The following ZFP3 variants were observed in gnomAD, a reference collection of about 807,000 sequenced individuals.
ZFP3 encodes the protein ZFP3 zinc finger protein.
ZFP3 carries 18 observed loss-of-function variants against 36.7 expected under a neutral mutation model. The observed-to-expected ratio is 0.49, with a 90% CI of 0.34 to 0.73. ZFP3 has a LOEUF of 0.73. Ranked by LOEUF, ZFP3 falls within the 30% of genes least tolerant of loss-of-function variation. The pLI is 0.01. For missense variants in ZFP3, 495 were observed against 599.0 expected (o/e 0.83, Z 1.81); for synonymous variants, 218 against 199.0 (o/e 1.10, Z -0.81).
At chr17:5,082,326 G>A (rs558866992) in intron 1 of ZFP3, among the ~76,000 whole-genome samples, 3 of 151,978 alleles carry the variant, frequency 2.0e-5, no homozygotes, top group Non-Finnish European at 2.9e-5. Context: ...CAGCCTGGGC[G>A]ACAGAGTGAG....
chr17:5,091,123 A>G (rs2072147493), intron 1 of ZFP3, among the ~76,000 whole-genome samples: 1 of 151,368 alleles, frequency 6.6e-6, no homozygotes, highest in Non-Finnish European at 1.5e-5. Flanking sequence ...TCCATTTCCT[A>G]CTTCTCTCTT....
At chr17:5,089,019 C>T (rs2072136105) in intron 1 of ZFP3, among the ~76,000 whole-genome samples, 1 of 152,156 alleles carries the variant, frequency 6.6e-6, no homozygotes, top group African/African-American at 2.4e-5. Context: ...AATATTAGTT[C>T]CAGATTGCTT....
Position 5,092,629 on chromosome 17 carries a change from G to A in ZFP3, c.1125G>A (p.Arg375=), listed in dbSNP as rs1347053505. 6.2e-7 allele frequency: 1 copy of A among 1,613,992 alleles called. No individual in the cohort carries two copies. Among genetic ancestry groups the A allele is most frequent in the East Asian group, 2.2e-5 (1 of 44,862 alleles). Residue 375 remains arginine (R), a synonymous_variant, in exon 2 of 2, where the codon AGG becomes AGA. Coordinates refer to ENST00000318833, the MANE Select transcript of ZFP3 (RefSeq NM_153018.3). The surrounding 1 kb of genome is among the most constrained non-coding windows in gnomAD (Gnocchi z 5.0). ...YVCKECGKAF[R]GNSELLRHER... is the part of the protein sequence containing the mutation. ...GTAAGGAATGTGGGAAGGCCTTCAG[G>A]GGGAACTCAGAACTTCTTAGACATG...
intron 1 of ZFP3, among the ~76,000 whole-genome samples, chr17:5,089,049 G>A (rs554240816): frequency 1.3e-5 from 2 of 152,284 alleles, no homozygotes; most frequent in Non-Finnish European, 2.9e-5. Flanking sequence ...ACAAAGGTCA[G>A]GCTTATTCTC....
chr17:5,091,396 C>A, intron 1 of ZFP3, 101 bp from the exon 2 acceptor site: 1 of 1,279,786 alleles, frequency 7.8e-7, no homozygotes, highest in Non-Finnish European at 1.1e-6. Context: ...AAGACTGTTT[C>A]TGAGTGCTAT....
At position 5,093,883 on chromosome 17, in the gene ZFP3, C is replaced by T. The variant is rs573710768; in HGVS notation, c.*870C>T. The T allele has an allele frequency of 2.4e-5, 4 of 167,270 alleles. No individual in the cohort carries two copies. Among genetic ancestry groups the T allele is most frequent in the South Asian group, 2.1e-4 (1 of 4,834 alleles). The allele number at this position is 167,270 out of a possible 1,614,324, so 10.4% of individuals were successfully genotyped here. ...GATAAACAATTGAGGTCACACTGCT[C>T]GGCATGGGCAGAAGCAGCTCTTCAG... On this transcript the variant is annotated 3_prime_UTR_variant, in exon 2 of 2. Transcript: ENST00000318833.
rs562157049 is a variant in ZFP3 at position 5,091,610 on chromosome 17, C to T, written c.106C>T (p.His36Tyr). The change falls in exon 2 of 2, where the codon CAT becomes TAT. Residue 36 changes from histidine to tyrosine, a missense_variant. Physicochemically the swap from His to Tyr is moderately conservative, Grantham distance 83. Around this residue, in one of 3 missense-constraint regions of ZFP3, gnomAD observed 229 missense variants for 233.8 expected, o/e 0.98. Coordinates refer to ENST00000318833, the MANE Select transcript of ZFP3 (RefSeq NM_153018.3). ...ATTTCCAAAAGTGGTTTACCAAGGT[C>T]ATGAGTTTGGAGCAGGATGTGAAGA... ...EKFPKVVYQG[H>Y]EFGAGCEEDM... The T allele has an allele frequency of 4.3e-6, 7 of 1,614,138 alleles. No individual in the cohort carries two copies. The East Asian group carries it at 1.3e-4, about 31-fold the overall frequency.
In ZFP3 at chr17:5,092,936, G is replaced by T; in HGVS notation, c.1432G>T (p.Glu478Ter). 1 of 1,614,028 alleles carries T rather than the reference G, an allele frequency of 6.2e-7. No individual in the cohort carries two copies. The highest frequency in any genetic ancestry group is 8.5e-7 in the Non-Finnish European group (1 of 1,179,978). The stretch of plus-strand genomic sequence containing the variant: ...AATTCACACTGGAGAGAAGCCTTAT[G>T]AGTGCCAAGAATGTCAGAAGACTTT... ...QRIHTGEKPYECQECQKTFSR... is the reference protein window; with the variant it reads ...QRIHTGEKPY Residue 478 changes from glutamate (E) to a stop codon, truncating the protein, a stop_gained, in exon 2 of 2, where the codon GAG becomes TAG. Coordinates refer to ENST00000318833, the MANE Select transcript of ZFP3 (RefSeq NM_153018.3). LOFTEE classifies it high-confidence loss of function. The surrounding 1 kb of genome is among the most constrained non-coding windows in gnomAD (Gnocchi z 5.0).
At position 5,095,806 on chromosome 17, in the gene ZFP3, C is replaced by T. The variant is rs189542912; in HGVS notation, c.*2793C>T. ...GCTCAATTACCCTCTTAAACCCATT[C>T]CTGCTCAGCAAAACTTCCTCTAGTT... On this transcript the variant is annotated 3_prime_UTR_variant, in exon 2 of 2. Transcript: ENST00000318833. The T allele has an allele frequency of 3.0e-5, 5 of 166,308 alleles. No homozygotes were observed. The East Asian group carries it at 9.7e-4, about 32-fold the overall frequency. 10.3% of individuals were successfully genotyped at this position (166,308 alleles called of 1,614,324 possible). A position where few individuals can be genotyped will look rare whatever the true frequency, so the allele number is the denominator to read the frequency against.
In ZFP3 at chr17:5,092,522, A is replaced by C. The variant is rs755480492; in HGVS notation, c.1018A>C (p.Asn340His). The change falls in exon 2 of 2, where the codon AAT becomes CAT. Residue 340 changes from asparagine (N) to histidine (H), a missense_variant. Asn to His is a moderately conservative substitution (Grantham distance 68, BLOSUM62 1). Transcript: ENST00000318833. The surrounding 1 kb of genome is among the most constrained non-coding windows in gnomAD (Gnocchi z 5.0). ...TACAGGGGACAAACCCTATGAATGT[A>C]ATGAATGTGGGAAAACTTTTGGCCA... Reference protein sequence around the residue: ...IHTGDKPYECNECGKTFGQNS... With the variant: ...IHTGDKPYECHECGKTFGQNS... 175 of 1,614,048 alleles carry C rather than the reference A, an allele frequency of 1.1e-4. No individual in the cohort carries two copies. Among genetic ancestry groups the C allele is most frequent in the Non-Finnish European group, 1.5e-4 (173 of 1,180,030 alleles).
intron 1 of ZFP3, among the ~76,000 whole-genome samples, chr17:5,090,697 G>A (rs1457505448): frequency 1.3e-5 from 2 of 151,802 alleles, no homozygotes; most frequent in Admixed American, 1.3e-4. Flanking sequence ...TTGAGACAGG[G>A]TCTGACTCTG....
rs549887127 is a variant in ZFP3, at chr17:5,087,187, C to T, written c.-8-4310C>T. On this transcript the variant is annotated intron_variant, in intron 1 of 1. Transcript: ENST00000318833. ...CCTCTACCTCACAGGCTCAAGTGAT[C>T]CTCCCACCTCAGCTTCCCGAGTAGC... 7.0e-5 allele frequency among the ~76,000 whole-genome samples: 10 copies of T among 142,162 alleles called. No homozygotes were observed. In the South Asian group the frequency reaches 2.3e-3, roughly 32 times the overall value. 93.3% of individuals were successfully genotyped at this position (142,162 alleles called of 152,430 possible).
chr17:5,088,476 C>CT lies in ZFP3; in HGVS notation c.-8-3002dup, dbSNP rs71149522. Among the ~76,000 whole-genome samples, 448 of 131,290 alleles carry CT rather than the reference C, an allele frequency of 3.4e-3. 1 individual carries two copies. The highest frequency in any genetic ancestry group is 4.7e-3 in the Admixed American group (61 of 13,082). 86.1% of individuals were successfully genotyped at this position (131,290 alleles called of 152,430 possible). On this transcript the variant is annotated intron_variant, in intron 1 of 1. Transcript: ENST00000318833. ...TTCCTATGTGCAGGCCTACTGCTTT[C>CT]TTTTTTTTTTTTTTTTTTTAGTAGA...
intron 1 of ZFP3, among the ~76,000 whole-genome samples, chr17:5,079,151 C>T (rs1205865169): frequency 2.0e-5 from 3 of 152,180 alleles, no homozygotes; most frequent in Admixed American, 1.3e-4. Flanking sequence ...AAACAGTTAT[C>T]GACACCAGCT....
chr17:5,081,150 G>T (rs1290073964), intron 1 of ZFP3, among the ~76,000 whole-genome samples: 1 of 150,616 alleles, frequency 6.6e-6, no homozygotes, highest in East Asian at 1.9e-4. Context: ...GAGTGCAGTG[G>T]CACAATTTTG....
intron 1 of ZFP3, among the ~76,000 whole-genome samples, chr17:5,083,974 C>G (rs1260252272): frequency 6.6e-6 from 1 of 151,894 alleles, no homozygotes; most frequent in Non-Finnish European, 1.5e-5. Flanking sequence ...TCAACTGATT[C>G]TCCTGCCTCA....
chr17:5,088,714 C>T (rs988479288), intron 1 of ZFP3, among the ~76,000 whole-genome samples: 3 of 152,330 alleles, frequency 2.0e-5, no homozygotes, highest in African/African-American at 4.8e-5. Flanking sequence ...TCCCAAAGTG[C>T]TGGAATTACA....
chr17:5,080,743 C>G (rs2072088960), intron 1 of ZFP3, among the ~76,000 whole-genome samples: 2 of 152,108 alleles, frequency 1.3e-5, no homozygotes. Flanking sequence ...CCCTTCATTT[C>G]CATCCGTATC....
chr17:5,095,841 T>G lies in ZFP3; in HGVS notation c.*2828T>G, dbSNP rs1157686751. On this transcript the variant is annotated 3_prime_UTR_variant, in exon 2 of 2. Coordinates refer to ENST00000318833, the MANE Select transcript of ZFP3 (RefSeq NM_153018.3). ...AAAACTTCCTCTAGTTCACCATTCATTCATTTGAACATTAGGAGGCAATTT... is the reference window on the plus strand; with the variant it reads ...AAAACTTCCTCTAGTTCACCATTCAGTCATTTGAACATTAGGAGGCAATTT... The G allele has an allele frequency of 6.0e-6, 1 of 166,668 alleles. No homozygotes were observed. Among genetic ancestry groups the G allele is most frequent in the African/African-American group, 2.4e-5 (1 of 41,276 alleles). The allele number at this position is 166,668 out of a possible 1,614,324, so 10.3% of individuals were successfully genotyped here.
Sources: allele counts gnomAD v4.1 joint callset (sites outside exome capture counted in the v4.1 genomes callset), GRCh38; gene constraint gnomAD v4.1.1; regional missense constraint gnomAD v4.1.1; non-coding constraint Gnocchi (gnomAD v3.1); transcripts MANE v1.5; gene names NCBI Gene and HGNC (gene_info 2026-07-23, HGNC 2026-07-21).